Variants in STYXL2 observed in about 807,000 individuals in gnomAD.
STYXL2 encodes serine/threonine/tyrosine interacting like 2.
Under a neutral mutation model 52.4 loss-of-function variants are expected in STYXL2, and 44 were observed. That is an observed-to-expected ratio of 0.84 (90% CI 0.66 to 1.08). The LOEUF (loss-of-function observed/expected upper bound fraction) is 1.08. STYXL2 is among the 50% of genes least tolerant of loss of function. The pLI is 0.00. For missense variants in STYXL2, 1,604 were observed against 1,471.7 expected, an observed-to-expected ratio of 1.09 and a Z score of -1.47; for synonymous variants, 604 against 586.9, an observed-to-expected ratio of 1.03 and a Z score of -0.42.
chr1:167,107,906 T>C (rs997865148), intron 2 of STYXL2, among the ~76,000 whole-genome samples: 1 of 152,140 alleles, frequency 6.6e-6, no homozygotes, highest in Non-Finnish European at 1.5e-5. Flanking sequence ...AACTAAAATC[T>C]GAAAAATGAG....
At chr1:167,104,295 A>G (rs997290550) in intron 2 of STYXL2, among the ~76,000 whole-genome samples, 6 of 151,484 alleles carry the variant, frequency 4.0e-5, no homozygotes, top group Non-Finnish European at 7.4e-5. Context: ...ACTTGACTTT[A>G]TATCTTTCCA....
Position 167,129,005 on chromosome 1 carries a change from GA to G in STYXL2, c.*398del, listed in dbSNP as rs1230878703. The G allele has an allele frequency of 5.8e-6, 1 of 173,490 alleles. No homozygotes were observed. Among genetic ancestry groups the G allele is most frequent in the African/African-American group, 2.4e-5 (1 of 41,796 alleles). 10.7% of individuals were successfully genotyped at this position (173,490 alleles called of 1,614,324 possible). On this transcript the variant is annotated 3_prime_UTR_variant, in exon 6 of 6. Transcript: ENST00000361200. ...AACATAGGACACGCTTCTGTCTGTAGAGGCTTCATATGAGACCCAGAAAGTC... is the reference window on the plus strand; with the variant it reads ...AACATAGGACACGCTTCTGTCTGTAGGGCTTCATATGAGACCCAGAAAGTC...
chr1:167,114,758 A>AT (rs928911188), intron 3 of STYXL2, among the ~76,000 whole-genome samples: 3 of 151,480 alleles, frequency 2.0e-5, no homozygotes, highest in Non-Finnish European at 4.4e-5. Flanking sequence ...GCTTTGGGGG[A>AT]TTTTTTTTCT....
chr1:167,120,172 T>A (rs1571344358), intron 5 of STYXL2, among the ~76,000 whole-genome samples: 1 of 152,218 alleles, frequency 6.6e-6, no homozygotes, highest in East Asian at 1.9e-4. Flanking sequence ...TGCTTTGGGG[T>A]TGCTATTGCT....
intron 2 of STYXL2, among the ~76,000 whole-genome samples, chr1:167,109,822 C>T (rs1324336929): frequency 6.6e-6 from 1 of 152,200 alleles, no homozygotes; most frequent in South Asian, 2.1e-4. Flanking sequence ...AAGGAGAAAA[C>T]AACAGCTAAT....
intron 2 of STYXL2, among the ~76,000 whole-genome samples, chr1:167,111,513 T>TACAC (rs767623370): frequency 0.029 from 1,423 of 49,472 alleles, 30 homozygotes; most frequent in Non-Finnish European, 0.032. Flanking sequence ...TATATATATA[T>TACAC]ACACACACAC....
Position 167,127,793 on chromosome 1 carries a change from G to T in STYXL2, c.2662G>T (p.Asp888Tyr), listed in dbSNP as rs1276709431. 1 of 1,613,860 alleles carries T rather than the reference G, an allele frequency of 6.2e-7. No homozygotes were observed. The highest frequency in any genetic ancestry group is 1.7e-5 in the Admixed American group (1 of 60,008). ...TGATGGTGTGGGTGATGGGGATGAG[G>T]ACACTGACAGTGCCATAGGGAGCTT... The part of the protein sequence containing the change: ...EDDGVGDGDE[D>Y]TDSAIGSFRY... The change falls in exon 6 of 6, where the codon GAC (aspartate) becomes TAC (tyrosine). Residue 888 changes from aspartate to tyrosine, a missense_variant. Physicochemically the swap from Asp to Tyr is radical, Grantham distance 160. Coordinates refer to ENST00000361200, the MANE Select transcript of STYXL2 (RefSeq NM_001080426.3).
intron 5 of STYXL2, among the ~76,000 whole-genome samples, chr1:167,123,418 T>C (rs115938790): frequency 0.022 from 3,380 of 152,270 alleles, 36 homozygotes; most frequent in Non-Finnish European, 0.032. Context: ...GCTGGTCATG[T>C]CCTGAAGTGT....
intron 5 of STYXL2, among the ~76,000 whole-genome samples, chr1:167,121,537 A>G (rs946949461): frequency 6.6e-6 from 1 of 152,262 alleles, no homozygotes; most frequent in Non-Finnish European, 1.5e-5. Context: ...GGCAGATCCC[A>G]GAATGTGGAA....
intron 4 of STYXL2, among the ~76,000 whole-genome samples, chr1:167,118,402 A>AG (rs1667776720): frequency 1.3e-5 from 2 of 152,208 alleles, no homozygotes; most frequent in South Asian, 4.1e-4. Context: ...ATTTGGCCTC[A>AG]GGGGAGGGAA....
chr1:167,124,963 AAAC>A (rs950663618), intron 5 of STYXL2, among the ~76,000 whole-genome samples: 1 of 151,846 alleles, frequency 6.6e-6, no homozygotes, highest in African/African-American at 2.4e-5. Flanking sequence ...AAAAAAAAAA[AAAC>A]CCTGATAAAT....
At chr1:167,117,287 G>T in intron 3 of STYXL2, 41 bp from the exon 4 acceptor site, 1 of 1,530,030 alleles carries the variant, frequency 6.5e-7, no homozygotes, top group Non-Finnish European at 8.9e-7. Context: ...AGGCCATGAT[G>T]TTCCTAACTC....
chr1:167,120,965 C>G (rs1302286571), intron 5 of STYXL2, among the ~76,000 whole-genome samples: 1 of 150,494 alleles, frequency 6.6e-6, no homozygotes, highest in Non-Finnish European at 1.5e-5. Context: ...TACACACACT[C>G]ACATATATAT....
rs368810969 is a variant in STYXL2 at position 167,113,792 on chromosome 1, A to T, written c.193A>T (p.Ile65Phe). 1 of 1,613,602 alleles carries T rather than the reference A, an allele frequency of 6.2e-7. No homozygotes were observed. Among genetic ancestry groups the T allele is most frequent in the East Asian group, 2.2e-5 (1 of 44,880 alleles). The change falls in exon 3 of 6, where the codon ATC (isoleucine) becomes TTC (phenylalanine). Residue 65 changes from isoleucine (I) to phenylalanine (F), a missense_variant. Ile to Phe is a conservative substitution (Grantham distance 21). Coordinates refer to ENST00000361200, the MANE Select transcript of STYXL2 (RefSeq NM_001080426.3). The part of the protein sequence containing the change: ...HLSSAIAAKQ[I>F]INEELKPPGV... ...CTCCTCAGCCATTGCAGCCAAACAG[A>T]TCATCAATGAAGGTAATGCAATCAA... is the stretch of plus-strand genomic sequence containing the variant.
At position 167,128,752 on chromosome 1, in the gene STYXL2, A is replaced by C; in HGVS notation, c.*144A>C. ...AGCCAAAATGAGAGGTACCAAGCAT[A>C]AGGGCAGCAGAGGTGGAGTAGGGAG... On this transcript the variant is annotated 3_prime_UTR_variant, in exon 6 of 6. Coordinates refer to ENST00000361200, the MANE Select transcript of STYXL2 (RefSeq NM_001080426.3). 2.2e-6 allele frequency: 3 copies of C among 1,358,258 alleles called. No homozygotes were observed. Among genetic ancestry groups the C allele is most frequent in the Non-Finnish European group, 2.9e-6 (3 of 1,031,684 alleles). The allele number at this position is 1,358,258 out of a possible 1,614,324, so 84.1% of individuals were successfully genotyped here. A position where few individuals can be genotyped will look rare whatever the true frequency, so the allele number is the denominator to read the frequency against.
Position 167,127,235 on chromosome 1 carries a change from A to C in STYXL2, c.2104A>C (p.Asn702His), listed in dbSNP as rs777705433. The stretch of plus-strand genomic sequence containing the variant: ...CAACATAGCGGGGTGTTCAACCTCC[A>C]ACCCCACCACACCCCTGCCTAACCT... ...ASNIAGCSTSNPTTPLPNLPV... is the reference protein window; with the variant it reads ...ASNIAGCSTSHPTTPLPNLPV... The change falls in exon 6 of 6, where the codon AAC (asparagine) becomes CAC (histidine). Residue 702 changes from asparagine (N) to histidine (H), a missense_variant. Physicochemically the swap from Asn to His is moderately conservative, Grantham distance 68 (BLOSUM62 1). Coordinates refer to ENST00000361200, the MANE Select transcript of STYXL2 (RefSeq NM_001080426.3). The C allele has an allele frequency of 6.2e-7, 1 of 1,614,134 alleles. No individual in the cohort carries two copies. The highest frequency in any genetic ancestry group is 1.1e-5 in the South Asian group (1 of 91,080).
At chr1:167,106,388 G>A (rs143921670) in intron 2 of STYXL2, among the ~76,000 whole-genome samples, 1 of 152,216 alleles carries the variant, frequency 6.6e-6, no homozygotes, top group African/African-American at 2.4e-5. Flanking sequence ...CAAAGAAAAC[G>A]GACCAAGTAG....
In STYXL2 at chr1:167,127,229, A is replaced by G; in HGVS notation, c.2098A>G (p.Thr700Ala). The change falls in exon 6 of 6, where the codon ACC becomes GCC. Residue 700 changes from threonine to alanine, a missense_variant. Transcript: ENST00000361200. ...TGCAAGCAACATAGCGGGGTGTTCA[A>G]CCTCCAACCCCACCACACCCCTGCC... ...QAASNIAGCS[T>A]SNPTTPLPNL... 1 of 1,614,002 alleles carries G rather than the reference A, an allele frequency of 6.2e-7. No homozygotes were observed. Among genetic ancestry groups the G allele is most frequent in the Non-Finnish European group, 8.5e-7 (1 of 1,179,950 alleles).
chr1:167,114,308 A>G (rs921100373), intron 3 of STYXL2, among the ~76,000 whole-genome samples: 6 of 152,224 alleles, frequency 3.9e-5, no homozygotes, highest in Non-Finnish European at 7.3e-5. Flanking sequence ...CAGACAACAT[A>G]TAGTTATTTT....
Sources: gnomAD v4.1 joint callset for allele counts (sites outside exome capture counted in the v4.1 genomes callset) on GRCh38, gnomAD v4.1.1 for gene constraint, MANE v1.5 for transcripts, NCBI Gene and HGNC (gene_info 2026-07-23, HGNC 2026-07-21) for gene names.